PTPN11: variants seen among roughly 807,000 people sequenced by gnomAD.
PTPN11 encodes protein tyrosine phosphatase non-receptor type 11.
In PTPN11, 6 loss-of-function variants were observed where a neutral mutation model predicts 78.8. That is an observed-to-expected ratio of 0.08 (90% CI 0.04 to 0.15). The LOEUF is 0.15. Ranked by LOEUF, PTPN11 falls within the 10% of genes least tolerant of loss-of-function variation. The pLI is 1.00. For missense variants in PTPN11, 386 were observed against 744.8 expected (o/e 0.52, Z 5.61); for synonymous variants, 221 against 263.5 (o/e 0.84, Z 1.56).
Position 112,506,981 on chromosome 12 carries a change from GAT to G in PTPN11, c.*1190_*1191del. ...TGATGATGATGATGATGATGATGATGATGATGATGATGGTTTTTTCTAATCAG... is the reference window on the plus strand; with the variant it reads ...TGATGATGATGATGATGATGATGATGGATGATGATGGTTTTTTCTAATCAG... On this transcript the variant is annotated 3_prime_UTR_variant, in exon 16 of 16. Coordinates refer to ENST00000351677, the MANE Select transcript of PTPN11 (RefSeq NM_002834.5). 1 of 259,774 alleles carries G rather than the reference GAT, an allele frequency of 3.8e-6. No homozygotes were observed. Among genetic ancestry groups the G allele is most frequent in the Admixed American group, 3.4e-5 (1 of 29,020 alleles). The allele number at this position is 259,774 out of a possible 1,614,324, so 16.1% of individuals were successfully genotyped here.
intron 6 of PTPN11, among the ~76,000 whole-genome samples, chr12:112,462,437 G>T (rs977361960): frequency 1.3e-5 from 2 of 151,678 alleles, no homozygotes; most frequent in African/African-American, 4.8e-5. Context: ...ATGCTAACTG[G>T]GTATATGGTT....
At chr12:112,472,872 T>G in intron 6 of PTPN11, 72 bp from the exon 7 acceptor site, 1 of 1,175,030 alleles carries the variant, frequency 8.5e-7, no homozygotes, top group Non-Finnish European at 1.3e-6. Context: ...AAAGAAGTAA[T>G]GCTGATCCAG....
chr12:112,482,026 A>G lies in PTPN11; in HGVS notation c.1093-48A>G. On this transcript the variant is annotated intron_variant, in intron 9 of 15. Coordinates refer to ENST00000351677, the MANE Select transcript of PTPN11 (RefSeq NM_002834.5). The surrounding 1 kb of genome is among the most constrained non-coding windows in gnomAD (Gnocchi z 4.4). ...TTGTTTGTTGCTTGTTTAGGCTTTT[A>G]TTTCAGAGTTCACAGAATTAACTTT... is the stretch of plus-strand genomic sequence containing the variant. 1 of 1,520,212 alleles carries G rather than the reference A, an allele frequency of 6.6e-7. No homozygotes were observed. 94.2% of individuals were successfully genotyped at this position (1,520,212 alleles called of 1,614,324 possible).
chr12:112,437,658 A>G (rs543241001), intron 1 of PTPN11, among the ~76,000 whole-genome samples: 1 of 152,228 alleles, frequency 6.6e-6, no homozygotes, highest in Non-Finnish European at 1.5e-5. Flanking sequence ...TTTAGTTTGT[A>G]AAAGGAAGTT....
intron 1 of PTPN11, among the ~76,000 whole-genome samples, chr12:112,440,564 T>A (rs1041948489): frequency 5.6e-5 from 5 of 89,958 alleles, no homozygotes; most frequent in South Asian, 6.2e-4. Context: ...GTGCCTGGCC[T>A]TTTTTTTTTT....
intron 6 of PTPN11, among the ~76,000 whole-genome samples, chr12:112,463,208 AT>A (rs2038276187): frequency 6.6e-6 from 1 of 152,040 alleles, no homozygotes; most frequent in African/African-American, 2.4e-5. Flanking sequence ...TTTTTTTAAC[AT>A]TTTAAAATTA....
chr12:112,439,293 CTTATT>C lies in PTPN11; in HGVS notation c.15-6977_15-6973del, dbSNP rs1443516761. ...TTTTAAACTTTTTAAAAAATTTATT[CTTATT>C]TTATTATATTTTTGAGACAGAGTCT... On this transcript the variant is annotated intron_variant, in intron 1 of 15. Coordinates refer to ENST00000351677, the MANE Select transcript of PTPN11 (RefSeq NM_002834.5). Among the ~76,000 whole-genome samples the C allele has an allele frequency of 5.3e-5, 8 of 151,920 alleles. No individual in the cohort carries two copies. The South Asian group carries it at 1.0e-3, about 20-fold the overall frequency.
chr12:112,439,261 C>A (rs1024501196), intron 1 of PTPN11, among the ~76,000 whole-genome samples: 1 of 151,934 alleles, frequency 6.6e-6, no homozygotes, highest in Non-Finnish European at 1.5e-5. Flanking sequence ...GAGGGGATTG[C>A]CCTTTTTTTT....
chr12:112,486,942 T>C (rs1374274065), intron 11 of PTPN11: 2 of 1,329,790 alleles, frequency 1.5e-6, no homozygotes, highest in Non-Finnish European at 1.9e-6. Flanking sequence ...TTTCTCCTTA[T>C]TCTTCATGAT....
At chr12:112,452,840 T>A (rs2038097126) in intron 3 of PTPN11, among the ~76,000 whole-genome samples, 1 of 152,222 alleles carries the variant, frequency 6.6e-6, no homozygotes, top group African/African-American at 2.4e-5. Context: ...GTAACTTCTT[T>A]AAATGGCTAT....
chr12:112,488,992 T>A (rs1488901198), intron 12 of PTPN11, 32 bp from the exon 13 acceptor site: 6 of 1,612,138 alleles, frequency 3.7e-6, no homozygotes, highest in Non-Finnish European at 5.1e-6. Context: ...CTCTGCAGTT[T>A]CTCTTTATTC....
At position 112,422,691 on chromosome 12, in the gene PTPN11, C is replaced by T. The variant is rs767659280; in HGVS notation, c.14+3566C>T. Among the ~76,000 whole-genome samples the T allele has an allele frequency of 2.6e-5, 4 of 152,148 alleles. No individual in the cohort carries two copies. In the South Asian group the frequency reaches 8.3e-4, roughly 32 times the overall value. On this transcript the variant is annotated intron_variant, in intron 1 of 15. Transcript: ENST00000351677. ...GAAAAATAACAGTTCTGTGTCTTTG[C>T]AGTGGAAACTGGGATGTCTTTATTA...
At chr12:112,490,011 G>C (rs1034754817) in intron 13 of PTPN11, among the ~76,000 whole-genome samples, 27 of 152,124 alleles carry the variant, frequency 1.8e-4, no homozygotes, top group African/African-American at 6.5e-4. Context: ...TAGTTTAGTA[G>C]GTTTTCAGTC....
At chr12:112,438,498 T>C (rs1358720767) in intron 1 of PTPN11, among the ~76,000 whole-genome samples, 1 of 151,870 alleles carries the variant, frequency 6.6e-6, no homozygotes, top group African/African-American at 2.4e-5. Flanking sequence ...TTTTTTTTTT[T>C]TGAGACGAAG....
rs2038914051 is a variant in PTPN11, at chr12:112,504,721, A to G, written c.1739A>G (p.Tyr580Cys). ...AEMREDSARV[Y>C]ENVGLMQQQK... is the part of the protein sequence containing the mutation. ...ATGAGAGAAGACAGTGCTAGAGTCT[A>G]TGAAAACGTGGGCCTGATGCAACAG... The change falls in exon 15 of 16, where the codon TAT (tyrosine) becomes TGT (cysteine). Residue 580 changes from tyrosine (Y) to cysteine (C), a missense_variant. This residue lies in a region of PTPN11 where 44 missense variants were observed against 59.3 expected (regional missense o/e 0.74). Transcript: ENST00000351677. This position sits in a 1 kb window ranked among gnomAD's most constrained non-coding sequence, Gnocchi z 4.7. 5 of 1,592,192 alleles carry G rather than the reference A, an allele frequency of 3.1e-6. No homozygotes were observed. The highest frequency in any genetic ancestry group is 4.3e-6 in the Non-Finnish European group (5 of 1,160,322).
At chr12:112,455,324 G>A (rs550307830) in intron 5 of PTPN11, among the ~76,000 whole-genome samples, 75 of 140,548 alleles carry the variant, frequency 5.3e-4, no homozygotes, top group South Asian at 9.1e-4. Flanking sequence ...CAACCTCTGC[G>A]TCCCGGGTTC....
intron 10 of PTPN11, among the ~76,000 whole-genome samples, chr12:112,483,604 T>C (rs1430305121): frequency 2.0e-5 from 3 of 152,142 alleles, no homozygotes; most frequent in Admixed American, 2.0e-4. Flanking sequence ...TTTAAGTTTT[T>C]AAGAGATTCC....
intron 6 of PTPN11, 34 bp from the exon 7 acceptor site, chr12:112,472,910 A>G (rs755288216): frequency 6.7e-7 from 1 of 1,493,206 alleles, no homozygotes; most frequent in African/African-American, 1.4e-5. Context: ...TGACTCTTTG[A>G]CACGTAATAA....
At chr12:112,420,128 C>T (rs1371401374) in intron 1 of PTPN11, among the ~76,000 whole-genome samples, 1 of 152,144 alleles carries the variant, frequency 6.6e-6, no homozygotes, top group Non-Finnish European at 1.5e-5. Flanking sequence ...GTAACTATTG[C>T]TAACCATTTG....
Sources: gnomAD v4.1 joint callset for allele counts (sites outside exome capture counted in the v4.1 genomes callset) on GRCh38, gnomAD v4.1.1 for gene constraint, gnomAD v4.1.1 regional missense constraint, Gnocchi (gnomAD v3.1) non-coding constraint, MANE v1.5 for transcripts, NCBI Gene and HGNC (gene_info 2026-07-23, HGNC 2026-07-21) for gene names.